The following CELF4 variants were observed in gnomAD, a reference collection of about 807,000 sequenced individuals.
CELF4 encodes CUG-BP- and ETR-3-like factor 4.
A neutral mutation model predicts 59.9 loss-of-function variants in CELF4; 18 were observed. The observed-to-expected ratio is 0.30, with a 90% CI of 0.21 to 0.45. The LOEUF (loss-of-function observed/expected upper bound fraction) is 0.45, where lower values mean the gene tolerates loss of function less well. Among genes scored for constraint, CELF4 ranks in the 20% least tolerant of loss-of-function variants. The pLI is 1.00. For synonymous variants in CELF4, 261 were observed against 267.1 expected, an observed-to-expected ratio of 0.98 and a Z score of 0.22; for missense variants, 456 against 689.0, an observed-to-expected ratio of 0.66 and a Z score of 3.79.
intron 2 of CELF4, among the ~76,000 whole-genome samples, chr18:37,401,784 G>A (rs895002345): frequency 6.6e-6 from 1 of 152,228 alleles, no homozygotes; most frequent in Non-Finnish European, 1.5e-5. Flanking sequence ...TCCCACCAAA[G>A]CATACTTACA....
intron 1 of CELF4, among the ~76,000 whole-genome samples, chr18:37,490,418 G>A (rs535826974): frequency 6.6e-6 from 1 of 152,318 alleles, no homozygotes; most frequent in African/African-American, 2.4e-5. Context: ...AGGATGAAAT[G>A]AAAAGGAGGT....
intron 1 of CELF4, among the ~76,000 whole-genome samples, chr18:37,563,742 A>T (rs1354934515): frequency 6.6e-6 from 1 of 152,112 alleles, no homozygotes; most frequent in Non-Finnish European, 1.5e-5. Flanking sequence ...CACCCCAACA[A>T]ACCCAGTATA....
intron 1 of CELF4, among the ~76,000 whole-genome samples, chr18:37,497,251 T>C (rs16968981): frequency 0.08 from 12,191 of 152,074 alleles, 1,034 homozygotes; most frequent in African/African-American, 0.22. Flanking sequence ...GGGTTGGAGG[T>C]GCTGTCTTCT....
Position 37,558,546 on chromosome 18 carries a change from T to A in CELF4, c.286+6810A>T, listed in dbSNP as rs1027379439. Among the ~76,000 whole-genome samples the A allele has an allele frequency of 6.7e-5, 6 of 89,764 alleles. No individual in the cohort carries two copies. The East Asian group carries it at 2.4e-3, about 35-fold the overall frequency. The allele number at this position is 89,764 out of a possible 152,430, so 58.9% of individuals were successfully genotyped here. A position where few individuals can be genotyped will look rare whatever the true frequency, so the allele number is the denominator to read the frequency against. ...AGGAAGGATGATGAAAGGGCTTCAG[T>A]GAAATTGTGGGGGGCGGGTGGGGGG... On this transcript the variant is annotated intron_variant, in intron 1 of 12. Coordinates refer to ENST00000420428, the MANE Select transcript of CELF4 (RefSeq NM_020180.4).
Position 37,542,251 on chromosome 18 carries a change from C to T in CELF4, c.286+23105G>A, listed in dbSNP as rs192551823. ...CCAATGACTGTAATAAAGGTAAATG[C>T]TCCTTACTTAAACAAACAATTCACT... On this transcript the variant is annotated intron_variant, in intron 1 of 12. Transcript: ENST00000420428. Among the ~76,000 whole-genome samples, 145 of 152,320 alleles carry T rather than the reference C, an allele frequency of 9.5e-4. 1 individual carries two copies. The highest frequency in any genetic ancestry group is 3.4e-3 in the African/African-American group (142 of 41,552).
intron 2 of CELF4, among the ~76,000 whole-genome samples, chr18:37,389,873 A>G (rs1280967355): frequency 1.3e-5 from 2 of 152,222 alleles, no homozygotes; most frequent in African/African-American, 4.8e-5. Context: ...ACAGGCACAG[A>G]GTCATGCACG....
chr18:37,484,286 C>G (rs1250745110), intron 2 of CELF4, among the ~76,000 whole-genome samples: 1 of 152,208 alleles, frequency 6.6e-6, no homozygotes, highest in Non-Finnish European at 1.5e-5. Flanking sequence ...TCACACATAA[C>G]ATGGGGCGAT....
chr18:37,476,946 T>C (rs1020254833), intron 2 of CELF4, among the ~76,000 whole-genome samples: 1 of 152,212 alleles, frequency 6.6e-6, no homozygotes, highest in Admixed American at 6.5e-5. Flanking sequence ...TCTACATCCA[T>C]GACCAGAGAG....
intron 2 of CELF4, among the ~76,000 whole-genome samples, chr18:37,403,906 C>A (rs2154585786): frequency 6.6e-6 from 1 of 152,306 alleles, no homozygotes; most frequent in Non-Finnish European, 1.5e-5. Flanking sequence ...CATTCCTATT[C>A]TCAGAGGTCC....
chr18:37,436,689 C>T (rs995473099), intron 2 of CELF4, among the ~76,000 whole-genome samples: 3 of 152,164 alleles, frequency 2.0e-5, no homozygotes, highest in African/African-American at 7.2e-5. Flanking sequence ...AGAAACTGTT[C>T]CTGCAGCCCT....
chr18:37,416,225 T>G (rs1194842142), intron 2 of CELF4, among the ~76,000 whole-genome samples: 1 of 143,656 alleles, frequency 7.0e-6, no homozygotes, highest in Non-Finnish European at 1.6e-5. Flanking sequence ...CATCCATCCA[T>G]TCATCTATCC....
intron 2 of CELF4, among the ~76,000 whole-genome samples, chr18:37,402,263 C>T (rs1199146747): frequency 1.3e-5 from 2 of 152,206 alleles, no homozygotes; most frequent in Admixed American, 6.5e-5. Flanking sequence ...AATTTGCATT[C>T]CAGTTTAATT....
chr18:37,429,944 G>A (rs2074868017), intron 2 of CELF4, among the ~76,000 whole-genome samples: 1 of 152,160 alleles, frequency 6.6e-6, no homozygotes, highest in African/African-American at 2.4e-5. Context: ...TCCCTGCTCA[G>A]CTCCAATCTG....
chr18:37,293,822 T>C (rs1257815955), intron 3 of CELF4, among the ~76,000 whole-genome samples: 2 of 152,184 alleles, frequency 1.3e-5, no homozygotes, highest in Admixed American at 1.3e-4. Flanking sequence ...TGGCTATTTC[T>C]CCTGGAGAAT....
chr18:37,272,962 G>T (rs2092007832), intron 7 of CELF4, 54 bp downstream of exon 7: 1 of 1,538,158 alleles, frequency 6.5e-7, no homozygotes, highest in South Asian at 1.2e-5. Flanking sequence ...TCCCAGCCTG[G>T]GGCCAGCTGT....
chr18:37,485,797 T>G, intron 1 of CELF4, 190 bp from the exon 2 acceptor site: 2 of 377,294 alleles, frequency 5.3e-6, no homozygotes, highest in Non-Finnish European at 9.4e-6. Context: ...CTGCCTCTCG[T>G]ACCTCCCTTT....
intron 2 of CELF4, among the ~76,000 whole-genome samples, chr18:37,336,394 G>C (rs1204270023): frequency 6.6e-6 from 1 of 152,190 alleles, no homozygotes; most frequent in African/African-American, 2.4e-5. Flanking sequence ...CTGTTGCCCA[G>C]GCTGGTCTTG....
At chr18:37,275,543 G>A in intron 3 of CELF4, 2 of 412,990 alleles carry the variant, frequency 4.8e-6, no homozygotes, top group Admixed American at 7.5e-5. Context: ...CTGCAGGGCA[G>A]GCTGCACCCT....
chr18:37,362,157 G>A (rs907868003), intron 2 of CELF4, among the ~76,000 whole-genome samples: 1 of 152,120 alleles, frequency 6.6e-6, no homozygotes, highest in African/African-American at 2.4e-5. Context: ...CTGACCCCCA[G>A]GGACAAGTAC....
Sources: allele counts gnomAD v4.1 joint callset (sites outside exome capture counted in the v4.1 genomes callset), GRCh38; gene constraint gnomAD v4.1.1; transcripts MANE v1.5; gene names NCBI Gene and HGNC (gene_info 2026-07-23, HGNC 2026-07-21).